Variants in PKIG observed in about 807,000 individuals in gnomAD.
PKIG encodes the protein protein kinase (cAMP-dependent, catalytic) inhibitor gamma.
A neutral mutation model predicts 6.8 loss-of-function variants in PKIG; 1 was observed. That is an observed-to-expected ratio of 0.15 (90% CI 0.05 to 0.69). The LOEUF is 0.69. Among genes scored for constraint, PKIG ranks in the 30% least tolerant of loss-of-function variants. PKIG has a pLI of 0.82. For missense variants in PKIG, 77 were observed against 104.0 expected (o/e 0.74, Z 1.13); for synonymous variants, 39 against 43.0 (o/e 0.91, Z 0.36).
In PKIG at chr20:44,544,888, TTTC is replaced by T. The variant is rs1006691328; in HGVS notation, c.-241+12913_-241+12915del. 1.9e-4 allele frequency among the ~76,000 whole-genome samples: 29 copies of T among 151,576 alleles called. 1 individual carries two copies. Among genetic ancestry groups the T allele is most frequent in the African/African-American group, 6.8e-4 (28 of 41,242 alleles). The stretch of plus-strand genomic sequence containing the variant: ...TTTTTACATTGACTTTCCTCTTTCT[TTTC>T]TTTTCTTTTCTTTCTTTCTTTCCTT... On this transcript the variant is annotated intron_variant, in intron 1 of 4. Coordinates refer to the PKIG transcript ENST00000372887.
At chr20:44,542,573 T>G (rs1456235822) in intron 1 of PKIG, among the ~76,000 whole-genome samples, 2 of 151,736 alleles carry the variant, frequency 1.3e-5, no homozygotes, top group South Asian at 4.2e-4. Context: ...GTGGCCATAT[T>G]TTTTTTTAAT....
At chr20:44,565,152 G>A (rs567386383) in intron 1 of PKIG, among the ~76,000 whole-genome samples, 2 of 152,162 alleles carry the variant, frequency 1.3e-5, no homozygotes, top group Non-Finnish European at 2.9e-5. Flanking sequence ...AATAGGTTTT[G>A]TGTGTTAGTG....
At chr20:44,599,829 T>A (rs2123421939) in intron 2 of PKIG, among the ~76,000 whole-genome samples, 1 of 152,136 alleles carries the variant, frequency 6.6e-6, no homozygotes, top group Non-Finnish European at 1.5e-5. Context: ...ATAGAAGGGG[T>A]GTCTGCAGTT....
At chr20:44,610,550 A>G (rs1300597695) in intron 2 of PKIG, among the ~76,000 whole-genome samples, 2 of 143,024 alleles carry the variant, frequency 1.4e-5, no homozygotes, top group South Asian at 2.1e-4. Flanking sequence ...TACTGGCTCA[A>G]CCCCACCCTG....
chr20:44,538,889 C>G (rs1334206275), intron 1 of PKIG, among the ~76,000 whole-genome samples: 3 of 151,842 alleles, frequency 2.0e-5, no homozygotes, highest in Non-Finnish European at 4.4e-5. Flanking sequence ...TCATCAGTAT[C>G]TGGAAATACA....
At chr20:44,544,572 G>T (rs2123162273) in intron 1 of PKIG, among the ~76,000 whole-genome samples, 1 of 152,290 alleles carries the variant, frequency 6.6e-6, no homozygotes, top group East Asian at 1.9e-4. Context: ...TGGCTCTCTA[G>T]CCAAACGGTC....
intron 2 of PKIG, among the ~76,000 whole-genome samples, chr20:44,605,476 A>C (rs183749863): frequency 2.0e-5 from 3 of 151,872 alleles, no homozygotes; most frequent in Non-Finnish European, 4.4e-5. Flanking sequence ...TAACAATGAT[A>C]GCTTTTTACA....
At chr20:44,566,092 A>G (rs1206147140) in intron 1 of PKIG, among the ~76,000 whole-genome samples, 2 of 152,170 alleles carry the variant, frequency 1.3e-5, no homozygotes, top group Non-Finnish European at 2.9e-5. Context: ...CTCTTACAAC[A>G]TTGCATGCCA....
chr20:44,566,609 G>C (rs1480219890), intron 1 of PKIG, among the ~76,000 whole-genome samples: 1 of 152,130 alleles, frequency 6.6e-6, no homozygotes, highest in East Asian at 1.9e-4. Flanking sequence ...ACTTTGGGAG[G>C]CCGAGGCAGG....
intron 1 of PKIG, among the ~76,000 whole-genome samples, chr20:44,572,825 T>TA (rs1302224725): frequency 2.0e-5 from 3 of 152,196 alleles, no homozygotes; most frequent in Non-Finnish European, 4.4e-5. Context: ...GAGCTTCAGC[T>TA]ACCCTGACTT....
intron 1 of PKIG, among the ~76,000 whole-genome samples, chr20:44,541,495 G>T (rs987165723): frequency 1.3e-5 from 2 of 151,956 alleles, no homozygotes; most frequent in East Asian, 3.9e-4. Flanking sequence ...CTGTATGTTG[G>T]CCTGGCTGGT....
Position 44,618,485 on chromosome 20 carries a change from C to A in PKIG, c.*121C>A. On this transcript the variant is annotated 3_prime_UTR_variant, in exon 4 of 4. Coordinates refer to ENST00000372886, the MANE Select transcript of PKIG (RefSeq NM_001281445.2). ...CATGTCCCAGATAAACCAGGCCAGA[C>A]TGAGAAGGCTCCCCAGAGGCCTCTG... 1 of 737,850 alleles carries A rather than the reference C, an allele frequency of 1.4e-6. No homozygotes were observed. Among genetic ancestry groups the A allele is most frequent in the Non-Finnish European group, 2.4e-6 (1 of 415,702 alleles). 45.7% of individuals were successfully genotyped at this position (737,850 alleles called of 1,614,324 possible).
At chr20:44,589,979 G>A (rs1390026494) in intron 2 of PKIG, 113 bp downstream of exon 2, 1 of 152,324 alleles carries the variant, frequency 6.6e-6, no homozygotes, top group Non-Finnish European at 1.5e-5. Flanking sequence ...TAAATTAGTG[G>A]GAGATTTTGA....
intron 1 of PKIG, among the ~76,000 whole-genome samples, chr20:44,541,531 G>A (rs1233144741): frequency 6.6e-6 from 1 of 151,914 alleles, no homozygotes; most frequent in Non-Finnish European, 1.5e-5. Context: ...TTGAATATTT[G>A]TACCAAAACT....
At chr20:44,582,982 CAG>C (rs2123348860) in intron 1 of PKIG, among the ~76,000 whole-genome samples, 1 of 152,316 alleles carries the variant, frequency 6.6e-6, no homozygotes, top group East Asian at 1.9e-4. Flanking sequence ...AGAACTTTGA[CAG>C]AGTATTCAGA....
At chr20:44,578,218 G>C (rs2064916511), upstream of PKIG, among the ~76,000 whole-genome samples, 2 of 151,186 alleles carry the variant, frequency 1.3e-5, no homozygotes, top group South Asian at 2.1e-4. Context: ...GTGGGCGCCT[G>C]TAGTCCCAGT....
At chr20:44,616,438 GC>G (rs1568838370) in intron 3 of PKIG, among the ~76,000 whole-genome samples, 2 of 152,198 alleles carry the variant, frequency 1.3e-5, no homozygotes, top group African/African-American at 4.8e-5. Flanking sequence ...CACTGGGCAC[GC>G]TGCCCTGGGC....
At chr20:44,577,285 C>T (rs1319258626) in intron 1 of PKIG, among the ~76,000 whole-genome samples, 1 of 151,976 alleles carries the variant, frequency 6.6e-6, no homozygotes, top group African/African-American at 2.4e-5. Flanking sequence ...TGCACCACCA[C>T]GCCCAGCTAA....
intron 1 of PKIG, among the ~76,000 whole-genome samples, chr20:44,540,109 T>C (rs2064547741): frequency 6.6e-6 from 1 of 151,680 alleles, no homozygotes; most frequent in Non-Finnish European, 1.5e-5. Flanking sequence ...TACAGGCGCA[T>C]GCCACCACGC....
Sources: gnomAD v4.1 joint callset for allele counts (sites outside exome capture counted in the v4.1 genomes callset) on GRCh38, gnomAD v4.1.1 for gene constraint, MANE v1.5 for transcripts, NCBI Gene and HGNC (gene_info 2026-07-23, HGNC 2026-07-21) for gene names.